The following ULK4 variants were observed in gnomAD, a reference collection of about 807,000 sequenced individuals.
ULK4 encodes the protein inactive serine/threonine-protein kinase ULK4.
In ULK4, 133 loss-of-function variants were observed where a neutral mutation model predicts 160.6. The ratio of observed to expected loss-of-function variants is 0.83; its 90% CI spans 0.72 to 0.96. The LOEUF is 0.96. Ranked by LOEUF, ULK4 falls within the 40% of genes least tolerant of loss-of-function variation. The probability of loss-of-function intolerance (pLI) is 0.00; values close to 1 mark genes in which losing one functional copy is unlikely to be tolerated. For missense variants in ULK4, 1,580 were observed against 1,499.5 expected (o/e 1.05, Z -0.89); for synonymous variants, 534 against 539.8 (o/e 0.99, Z 0.15).
intron 17 of ULK4, among the ~76,000 whole-genome samples, chr3:41,876,864 A>G (rs1697322421): frequency 6.6e-6 from 1 of 152,320 alleles, no homozygotes; most frequent in Non-Finnish European, 1.5e-5. Flanking sequence ...GGGAGAGAAC[A>G]GTGATCAGGA....
At chr3:41,686,005 G>A (rs1198025828) in intron 27 of ULK4, among the ~76,000 whole-genome samples, 1 of 151,918 alleles carries the variant, frequency 6.6e-6, no homozygotes, top group Non-Finnish European at 1.5e-5. Context: ...ATATATATAT[G>A]GATATAAATG....
chr3:41,725,156 T>C (rs1247000845), intron 22 of ULK4, among the ~76,000 whole-genome samples: 1 of 152,210 alleles, frequency 6.6e-6, no homozygotes, highest in Non-Finnish European at 1.5e-5. Flanking sequence ...TTTTGTGTTC[T>C]GTTAAAAAAA....
chr3:41,846,555 A>G (rs2042073821), intron 17 of ULK4, among the ~76,000 whole-genome samples: 1 of 152,130 alleles, frequency 6.6e-6, no homozygotes, highest in Non-Finnish European at 1.5e-5. Flanking sequence ...CTGTAATCCC[A>G]ACACTTTGGG....
At chr3:41,676,975 C>T (rs144544459) in intron 29 of ULK4, among the ~76,000 whole-genome samples, 463 of 139,724 alleles carry the variant, frequency 3.3e-3, no homozygotes, top group Non-Finnish European at 4.9e-3. Context: ...GGTAGAATCA[C>T]GGTCACCATA....
chr3:41,874,624 G>GT (rs1238875716), intron 17 of ULK4, among the ~76,000 whole-genome samples: 1 of 152,126 alleles, frequency 6.6e-6, no homozygotes. Context: ...TCCAAATATC[G>GT]TATGTTCCCA....
At chr3:41,317,979 C>G (rs1004828339) in intron 35 of ULK4, among the ~76,000 whole-genome samples, 1 of 152,298 alleles carries the variant, frequency 6.6e-6, no homozygotes, top group East Asian at 1.9e-4. Context: ...GACCTCCCTC[C>G]TCTTGGCAGT....
chr3:41,311,107 T>C (rs1172319320), intron 35 of ULK4, among the ~76,000 whole-genome samples: 2 of 152,196 alleles, frequency 1.3e-5, no homozygotes, highest in African/African-American at 2.4e-5. Context: ...GGCTGACCCA[T>C]AGTACTCAGG....
At chr3:41,260,774 G>A (rs1268529034) in intron 35 of ULK4, among the ~76,000 whole-genome samples, 1 of 152,242 alleles carries the variant, frequency 6.6e-6, no homozygotes, top group Non-Finnish European at 1.5e-5. Flanking sequence ...CAGATTCTCT[G>A]GAGGGTGACA....
intron 32 of ULK4, among the ~76,000 whole-genome samples, chr3:41,488,645 A>G (rs2084633074): frequency 6.6e-6 from 1 of 152,250 alleles, no homozygotes; most frequent in Admixed American, 6.5e-5. Context: ...ATGTGCTAAC[A>G]GTGAGTAAGG....
At chr3:41,501,784 T>C (rs544330419) in intron 32 of ULK4, among the ~76,000 whole-genome samples, 1 of 152,274 alleles carries the variant, frequency 6.6e-6, no homozygotes, top group African/African-American at 2.4e-5. Flanking sequence ...ACTGAAACTT[T>C]GTGTGTTTTA....
At chr3:41,836,961 A>G (rs2041777664) in intron 17 of ULK4, among the ~76,000 whole-genome samples, 2 of 152,226 alleles carry the variant, frequency 1.3e-5, no homozygotes. Flanking sequence ...AAATGTATAT[A>G]AAATAGTGTG....
intron 34 of ULK4, among the ~76,000 whole-genome samples, chr3:41,431,272 C>CG (rs1036690638): frequency 2.6e-5 from 4 of 151,538 alleles, no homozygotes; most frequent in South Asian, 4.2e-4. Flanking sequence ...TGCTTGAACC[C>CG]GGGGGGCAGA....
chr3:41,854,131 C>T (rs745436610), intron 17 of ULK4: 11 of 152,152 alleles, frequency 7.2e-5, no homozygotes, highest in Non-Finnish European at 1.2e-4. Context: ...TTAGGAGCCT[C>T]GGGATTCTTC....
intron 21 of ULK4, among the ~76,000 whole-genome samples, chr3:41,761,397 CTA>C (rs202103828): frequency 6.7e-6 from 1 of 148,214 alleles, no homozygotes; most frequent in South Asian, 2.1e-4. Context: ...ATTATACATG[CTA>C]TATATATATT....
intron 31 of ULK4, among the ~76,000 whole-genome samples, chr3:41,590,722 A>G (rs1475689534): frequency 2.0e-5 from 3 of 151,888 alleles, no homozygotes; most frequent in Admixed American, 6.6e-5. Flanking sequence ...ACAACAGACA[A>G]AAAGGCCAGT....
chr3:41,605,494 T>C (rs2032334008), intron 31 of ULK4, among the ~76,000 whole-genome samples: 1 of 151,968 alleles, frequency 6.6e-6, no homozygotes, highest in Non-Finnish European at 1.5e-5. Context: ...CAAGGAGTAC[T>C]ACCCAGGGAT....
rs538856897 is a variant in ULK4 at position 41,528,700 on chromosome 3, T to C, written c.3226+37325A>G. 4.6e-5 allele frequency among the ~76,000 whole-genome samples: 7 copies of C among 152,320 alleles called. 1 individual carries two copies. The highest frequency in any genetic ancestry group is 1.7e-4 in the African/African-American group (7 of 41,564). On this transcript the variant is annotated intron_variant, in intron 32 of 36. Coordinates refer to ENST00000301831, the MANE Select transcript of ULK4 (RefSeq NM_017886.4). ...AAAGAAAACCTTGCCTATTACATGA[T>C]TCCACTAAGGATCTCATGATTCCAT... is the stretch of plus-strand genomic sequence containing the variant.
chr3:41,954,563 C>T, intron 2 of ULK4, 59 bp downstream of exon 2: 2 of 1,536,112 alleles, frequency 1.3e-6, no homozygotes, highest in Non-Finnish European at 8.8e-7. Flanking sequence ...AAAATGCTAC[C>T]CCCTTCTACC....
At chr3:41,835,239 C>A (rs111840320) in intron 18 of ULK4, among the ~76,000 whole-genome samples, 4 of 152,098 alleles carry the variant, frequency 2.6e-5, no homozygotes, top group Admixed American at 1.3e-4. Context: ...AATGACATAA[C>A]CTCCTTAATT....
Sources: allele counts gnomAD v4.1 joint callset (sites outside exome capture counted in the v4.1 genomes callset), GRCh38; gene constraint gnomAD v4.1.1; transcripts MANE v1.5; gene names NCBI Gene and HGNC (gene_info 2026-07-23, HGNC 2026-07-21).